The following CASD1 variants were observed in gnomAD, a reference collection of about 807,000 sequenced individuals.
CASD1 encodes N-acetylneuraminate (7)9-O-acetyltransferase.
CASD1 carries 41 observed loss-of-function variants against 100.0 expected under a neutral mutation model. The observed-to-expected ratio is 0.41, with a 90% CI of 0.32 to 0.53. The LOEUF is 0.53. Among genes scored for constraint, CASD1 ranks in the 20% least tolerant of loss-of-function variants. CASD1 has a pLI of 0.25. For synonymous variants in CASD1, 321 were observed against 315.6 expected (o/e 1.02, Z -0.18); for missense variants, 774 against 948.7 (o/e 0.82, Z 2.42).
At chr7:94,567,619 G>A in the CASD1 span, among the ~76,000 whole-genome samples, 1 of 152,124 alleles carries the variant, frequency 6.6e-6, no homozygotes, top group Non-Finnish European at 1.5e-5. Flanking sequence ...TACCAGGGAA[G>A]CTATGTGGAG....
At chr7:94,578,811 T>A in the CASD1 span, among the ~76,000 whole-genome samples, 1 of 152,182 alleles carries the variant, frequency 6.6e-6, no homozygotes, top group Non-Finnish European at 1.5e-5. Context: ...CTGTTTTCAT[T>A]ACATTGCCTT....
chr7:94,612,113 G>A, the CASD1 span, among the ~76,000 whole-genome samples: 1 of 152,118 alleles, frequency 6.6e-6, no homozygotes, highest in African/African-American at 2.4e-5. Context: ...TAAGGACCGA[G>A]ATTAAATGAA....
chr7:94,529,613 T>G (rs1794749528), intron 5 of CASD1, among the ~76,000 whole-genome samples: 1 of 152,160 alleles, frequency 6.6e-6, no homozygotes, highest in African/African-American at 2.4e-5. Flanking sequence ...ACCCACATTT[T>G]TGTTGTTAAT....
chr7:94,598,267 A>G, the CASD1 span: 1 of 178,242 alleles, frequency 5.6e-6, no homozygotes, highest in African/African-American at 2.4e-5. Context: ...GGTTTGCACT[A>G]ATAAAATAGG....
the CASD1 span, among the ~76,000 whole-genome samples, chr7:94,577,773 C>A: frequency 6.6e-6 from 1 of 152,124 alleles, no homozygotes; most frequent in Non-Finnish European, 1.5e-5. Context: ...CCTGTGTTTT[C>A]AAAAATACCC....
At chr7:94,586,452 A>G in the CASD1 span, 3 of 152,188 alleles carry the variant, frequency 2.0e-5, no homozygotes, top group Admixed American at 2.0e-4. Context: ...TAAACTGCCC[A>G]TCAGCCCTTC....
chr7:94,599,657 A>G, the CASD1 span: 1 of 1,570,584 alleles, frequency 6.4e-7, no homozygotes, highest in South Asian at 1.1e-5. Flanking sequence ...GAGAGGTGGG[A>G]AAAAATGATG....
chr7:94,589,752 TCA>T, the CASD1 span: 12 of 182,742 alleles, frequency 6.6e-5, no homozygotes, highest in Non-Finnish European at 8.7e-5. Context: ...CTGTCCCCCA[TCA>T]CCCCCTGATG....
the CASD1 span, chr7:94,586,861 A>C: frequency 3.0e-6 from 3 of 985,280 alleles, no homozygotes; most frequent in African/African-American, 5.2e-5. Context: ...AATTATAAAA[A>C]AAAATGCTAG....
the CASD1 span, among the ~76,000 whole-genome samples, chr7:94,592,614 C>G: frequency 6.6e-6 from 1 of 152,090 alleles, no homozygotes; most frequent in Non-Finnish European, 1.5e-5. Flanking sequence ...ATTGCACAAA[C>G]TTCATTCTTT....
At chr7:94,517,711 T>C (rs1794046338) in intron 2 of CASD1, 55 bp downstream of exon 2, 2 of 1,037,420 alleles carry the variant, frequency 1.9e-6, no homozygotes, top group South Asian at 1.4e-5. Flanking sequence ...TAATATGTAG[T>C]GGAGAGGGGT....
intron 11 of CASD1, 132 bp downstream of exon 11, chr7:94,544,662 A>T: frequency 1.2e-6 from 1 of 860,704 alleles, no homozygotes; most frequent in South Asian, 2.2e-5. Flanking sequence ...AGCACTGTGA[A>T]GTTGTATTCT....
chr7:94,613,464 T>C, the CASD1 span, among the ~76,000 whole-genome samples: 1 of 152,188 alleles, frequency 6.6e-6, no homozygotes, highest in South Asian at 2.1e-4. Flanking sequence ...GAGGCTATTA[T>C]CAAGTATAAG....
chr7:94,563,509 T>A, the CASD1 span, among the ~76,000 whole-genome samples: 2 of 152,198 alleles, frequency 1.3e-5, no homozygotes, highest in East Asian at 3.9e-4. Flanking sequence ...GTCTTTTTCT[T>A]GGTAATTTAG....
chr7:94,602,999 T>A, the CASD1 span, among the ~76,000 whole-genome samples: 1 of 152,208 alleles, frequency 6.6e-6, no homozygotes, highest in Admixed American at 6.5e-5. Context: ...AACTCCACTA[T>A]CTGTGCTCAT....
At chr7:94,542,422 A>T (rs1470319501) in intron 10 of CASD1, among the ~76,000 whole-genome samples, 2 of 152,226 alleles carry the variant, frequency 1.3e-5, no homozygotes, top group African/African-American at 4.8e-5. Flanking sequence ...CAAAAACTTT[A>T]TATAAAAGAA....
intron 14 of CASD1, 122 bp from the exon 15 acceptor site, chr7:94,551,216 C>A (rs958169602): frequency 8.0e-6 from 5 of 628,844 alleles, no homozygotes; most frequent in Non-Finnish European, 1.3e-5. Flanking sequence ...CCTTCATAGA[C>A]ACTTCAAACT....
chr7:94,515,099 C>T (rs923311947), intron 1 of CASD1, among the ~76,000 whole-genome samples: 6 of 151,868 alleles, frequency 4.0e-5, no homozygotes, highest in Non-Finnish European at 1.5e-5. Flanking sequence ...ATTTTGCTGA[C>T]ATACAAAAAA....
At chr7:94,567,045 C>G in the CASD1 span, among the ~76,000 whole-genome samples, 1 of 152,022 alleles carries the variant, frequency 6.6e-6, no homozygotes, top group African/African-American at 2.4e-5. Context: ...CAGATATTTA[C>G]CAGAGGTGTT....
Sources: gnomAD v4.1 joint callset for allele counts (sites outside exome capture counted in the v4.1 genomes callset) on GRCh38, gnomAD v4.1.1 for gene constraint, MANE v1.5 for transcripts, NCBI Gene and HGNC (gene_info 2026-07-23, HGNC 2026-07-21) for gene names.